The following CTNNA3 variants were observed in gnomAD, a reference collection of about 807,000 sequenced individuals.
The protein encoded by CTNNA3 is catenin alpha-3.
In CTNNA3, 76 loss-of-function variants were observed where a neutral mutation model predicts 95.7. The ratio of observed to expected loss-of-function variants is 0.79; its 90% confidence interval spans 0.66 to 0.96. CTNNA3 has a LOEUF of 0.96. CTNNA3 is among the 40% of genes least tolerant of loss of function. CTNNA3 has a pLI of 0.00. For missense variants in CTNNA3, 1,191 were observed against 1,089.8 expected (o/e 1.09, Z -1.31); for synonymous variants, 431 against 374.4 (o/e 1.15, Z -1.74).
chr10:66,636,181 T>C (rs761160841), intron 9 of CTNNA3, among the ~76,000 whole-genome samples: 1 of 152,082 alleles, frequency 6.6e-6, no homozygotes, highest in Non-Finnish European at 1.5e-5. Flanking sequence ...GCTCCTTGAA[T>C]GTGTTCTGCA....
intron 5 of CTNNA3, among the ~76,000 whole-genome samples, chr10:67,326,891 C>T (rs1201623092): frequency 6.6e-6 from 1 of 152,244 alleles, no homozygotes; most frequent in South Asian, 2.1e-4. Context: ...TTTACATAAT[C>T]CCATATTTCT....
At chr10:66,564,543 A>G (rs190213991) in intron 10 of CTNNA3, among the ~76,000 whole-genome samples, 91 of 152,290 alleles carry the variant, frequency 6.0e-4, no homozygotes, top group South Asian at 1.9e-3. Flanking sequence ...TGGTTGGCAA[A>G]TAAGGAGTGC....
chr10:66,612,043 T>C (rs1844346948), intron 10 of CTNNA3, among the ~76,000 whole-genome samples: 1 of 152,108 alleles, frequency 6.6e-6, no homozygotes, highest in South Asian at 2.1e-4. Context: ...AAGTGTCCCT[T>C]TCTTAATTTT....
chr10:66,202,089 C>T (rs999916219), intron 13 of CTNNA3, among the ~76,000 whole-genome samples: 1 of 152,010 alleles, frequency 6.6e-6, no homozygotes, highest in Non-Finnish European at 1.5e-5. Context: ...CCTGGCCTTG[C>T]CATCTATTTT....
At chr10:66,663,036 C>CT (rs1846317023) in intron 9 of CTNNA3, among the ~76,000 whole-genome samples, 1 of 152,022 alleles carries the variant, frequency 6.6e-6, no homozygotes, top group Non-Finnish European at 1.5e-5. Context: ...TTACCACTGA[C>CT]CTCCAGGAGC....
intron 13 of CTNNA3, among the ~76,000 whole-genome samples, chr10:66,238,409 AT>A (rs2089960744): frequency 6.6e-6 from 1 of 152,040 alleles, no homozygotes; most frequent in Admixed American, 6.6e-5. Flanking sequence ...GAATTTCAGT[AT>A]AATAGTTATT....
intron 7 of CTNNA3, among the ~76,000 whole-genome samples, chr10:67,168,616 T>A (rs1473534601): frequency 2.0e-5 from 3 of 152,180 alleles, no homozygotes; most frequent in Admixed American, 2.0e-4. Flanking sequence ...AAGCTAAGTA[T>A]TGAAGGAACA....
intron 1 of CTNNA3, among the ~76,000 whole-genome samples, chr10:67,754,991 A>T (rs1435762701): frequency 6.6e-6 from 1 of 152,138 alleles, no homozygotes; most frequent in Non-Finnish European, 1.5e-5. Context: ...TGAGGACAGA[A>T]GTTTGAGACC....
chr10:67,698,538 T>C (rs1841008039), upstream of CTNNA3, among the ~76,000 whole-genome samples: 1 of 152,204 alleles, frequency 6.6e-6, no homozygotes, highest in Non-Finnish European at 1.5e-5. Context: ...AATGGAGTAG[T>C]TTCTTCTTGT....
At chr10:66,643,253 A>G (rs546266312) in intron 9 of CTNNA3, among the ~76,000 whole-genome samples, 2 of 152,258 alleles carry the variant, frequency 1.3e-5, no homozygotes, top group South Asian at 4.1e-4. Context: ...CCAAGTAGAA[A>G]ATATTTTCTT....
intron 10 of CTNNA3, among the ~76,000 whole-genome samples, chr10:66,543,693 T>C (rs1841938260): frequency 6.6e-6 from 1 of 151,458 alleles, no homozygotes; most frequent in Non-Finnish European, 1.5e-5. Flanking sequence ...TAGAGCTGAT[T>C]CAAAATCTTT....
intron 13 of CTNNA3, among the ~76,000 whole-genome samples, chr10:66,119,469 A>T (rs1292916172): frequency 1.3e-5 from 2 of 152,160 alleles, no homozygotes; most frequent in African/African-American, 4.8e-5. Flanking sequence ...ACAGCAGAGT[A>T]CTCTTCAAGA....
At chr10:67,519,973 A>G (rs1453500422) in intron 5 of CTNNA3, among the ~76,000 whole-genome samples, 1 of 152,186 alleles carries the variant, frequency 6.6e-6, no homozygotes, top group Non-Finnish European at 1.5e-5. Context: ...TCAAGAAGAC[A>G]TAACACTCCA....
chr10:67,280,623 G>A (rs956234391), intron 5 of CTNNA3, among the ~76,000 whole-genome samples: 2 of 151,958 alleles, frequency 1.3e-5, no homozygotes, highest in African/African-American at 4.8e-5. Context: ...TGCATAAGGT[G>A]TCAATTCCTG....
chr10:67,385,256 T>C (rs775011111), intron 5 of CTNNA3, among the ~76,000 whole-genome samples: 12 of 152,252 alleles, frequency 7.9e-5, no homozygotes, highest in Non-Finnish European at 1.3e-4. Context: ...CAGGGCCTCC[T>C]GTGGCTCCAG....
intron 11 of CTNNA3, among the ~76,000 whole-genome samples, chr10:66,472,280 A>T (rs1305763013): frequency 6.6e-6 from 1 of 151,840 alleles, no homozygotes; most frequent in Non-Finnish European, 1.5e-5. Context: ...CATTTCGTCC[A>T]GGTTTGTTGA....
Position 66,565,215 on chromosome 10 carries a change from C to T in CTNNA3, c.1375-44442G>A, listed in dbSNP as rs556739750. Among the ~76,000 whole-genome samples the T allele has an allele frequency of 7.2e-5, 11 of 152,062 alleles. No individual in the cohort carries two copies. In the East Asian group the frequency reaches 2.1e-3, roughly 29 times the overall value. The stretch of plus-strand genomic sequence containing the variant: ...AGCACCTATAAAACAATCACTTCAC[C>T]AATTTGTTGTTAGGTACTACTTGAT... On this transcript the variant is annotated intron_variant, in intron 10 of 17. Coordinates refer to ENST00000433211, the MANE Select transcript of CTNNA3 (RefSeq NM_013266.4).
chr10:67,243,775 T>C (rs1865806742), intron 5 of CTNNA3, among the ~76,000 whole-genome samples: 1 of 152,212 alleles, frequency 6.6e-6, no homozygotes. Flanking sequence ...CGTGGATTCT[T>C]ACATTCTATC....
chr10:66,188,590 G>A (rs1323475306), intron 13 of CTNNA3, among the ~76,000 whole-genome samples: 1 of 100,140 alleles, frequency 1.0e-5, no homozygotes, highest in Admixed American at 1.1e-4. Context: ...GGGGAGGGGG[G>A]GTCTCTGTGT....
Sources: allele counts gnomAD v4.1 joint callset (sites outside exome capture counted in the v4.1 genomes callset), GRCh38; gene constraint gnomAD v4.1.1; transcripts MANE v1.5; gene names NCBI Gene and HGNC (gene_info 2026-07-23, HGNC 2026-07-21).